The following ERBB4 variants were observed in gnomAD, a reference collection of about 807,000 sequenced individuals.
The protein encoded by ERBB4 is receptor tyrosine-protein kinase erbB-4.
Under a neutral mutation model 158.0 loss-of-function variants are expected in ERBB4, and 42 were observed. That is an observed-to-expected ratio of 0.27 (90% confidence interval 0.21 to 0.34). The LOEUF (loss-of-function observed/expected upper bound fraction) is 0.34, where lower values mean the gene tolerates loss of function less well. Ranked by LOEUF, ERBB4 falls within the 10% of genes least tolerant of loss-of-function variation. The probability of loss-of-function intolerance (pLI) is 1.00; values close to 1 mark genes in which losing one functional copy is unlikely to be tolerated. For synonymous variants in ERBB4, 583 were observed against 558.7 expected (o/e 1.04, Z -0.61); for missense variants, 1,333 against 1,624.1 (o/e 0.82, Z 3.08).
At chr2:212,037,707 G>C (rs1041416903) in intron 2 of ERBB4, among the ~76,000 whole-genome samples, 13 of 152,020 alleles carry the variant, frequency 8.6e-5, no homozygotes, top group Admixed American at 7.9e-4. Flanking sequence ...TTGGTTCTGT[G>C]GAAATTACAA....
intron 3 of ERBB4, among the ~76,000 whole-genome samples, chr2:211,839,478 C>A (rs1270503092): frequency 6.6e-6 from 1 of 151,938 alleles, no homozygotes; most frequent in African/African-American, 2.4e-5. Flanking sequence ...CTGACTGGTC[C>A]CCAAAACAAT....
intron 1 of ERBB4, among the ~76,000 whole-genome samples, chr2:212,412,949 T>C (rs1261642219): frequency 6.6e-6 from 1 of 151,912 alleles, no homozygotes; most frequent in African/African-American, 2.4e-5. Flanking sequence ...GTAGAGTATT[T>C]TTTTTCTTTT....
intron 1 of ERBB4, among the ~76,000 whole-genome samples, chr2:212,469,970 CTG>C (rs1689034988): frequency 6.6e-6 from 1 of 152,096 alleles, no homozygotes; most frequent in Non-Finnish European, 1.5e-5. Flanking sequence ...TTAAGTCAAA[CTG>C]AACTTTTCAA....
chr2:212,410,580 G>A (rs10188926), intron 1 of ERBB4, among the ~76,000 whole-genome samples: 17,649 of 151,990 alleles, frequency 0.12, 1,096 homozygotes, highest in African/African-American at 0.16. Context: ...TGTTCTCACT[G>A]AATAATATTC....
At chr2:211,556,191 G>C (rs2067233101) in intron 20 of ERBB4, among the ~76,000 whole-genome samples, 1 of 152,092 alleles carries the variant, frequency 6.6e-6, no homozygotes, top group African/African-American at 2.4e-5. Flanking sequence ...AAGACAAAAA[G>C]GGGCATTACA....
chr2:211,564,486 G>A (rs935917358), intron 19 of ERBB4, among the ~76,000 whole-genome samples: 2 of 152,176 alleles, frequency 1.3e-5, no homozygotes, highest in Non-Finnish European at 2.9e-5. Flanking sequence ...ATAAAAATAT[G>A]GACGATTTCT....
At chr2:212,242,426 C>T (rs1160515702) in intron 1 of ERBB4, among the ~76,000 whole-genome samples, 1 of 151,850 alleles carries the variant, frequency 6.6e-6, no homozygotes, top group African/African-American at 2.4e-5. Flanking sequence ...ACTTTAGAGT[C>T]ATAAAGATAA....
intron 3 of ERBB4, among the ~76,000 whole-genome samples, chr2:211,874,994 G>T (rs1575294462): frequency 1.6e-5 from 2 of 127,692 alleles, no homozygotes; most frequent in Non-Finnish European, 1.6e-5. Context: ...TTTAAGCTAA[G>T]GCTTGTATTG....
At chr2:212,101,365 A>ATACATATATATATATATATATG (rs58087392) in intron 2 of ERBB4, among the ~76,000 whole-genome samples, 3 of 148,994 alleles carry the variant, frequency 2.0e-5, no homozygotes, top group Non-Finnish European at 4.5e-5. Context: ...ATATATATAT[A>ATACATATATATATATATATATG]TGTATATGTA....
At chr2:211,648,131 A>G (rs2070844775) in intron 16 of ERBB4, among the ~76,000 whole-genome samples, 1 of 151,910 alleles carries the variant, frequency 6.6e-6, no homozygotes, top group Admixed American at 6.6e-5. Flanking sequence ...TCACTCAAAT[A>G]TCAAATAAAC....
At chr2:212,046,023 C>T (rs1159354123) in intron 2 of ERBB4, among the ~76,000 whole-genome samples, 1 of 152,160 alleles carries the variant, frequency 6.6e-6, no homozygotes, top group Non-Finnish European at 1.5e-5. Flanking sequence ...TTCAAGCTAT[C>T]ACAATTCTCA....
At chr2:211,898,865 A>C (rs2079162892) in intron 3 of ERBB4, among the ~76,000 whole-genome samples, 1 of 152,136 alleles carries the variant, frequency 6.6e-6, no homozygotes, top group Non-Finnish European at 1.5e-5. Context: ...ACAGACCTTA[A>C]GTTACAAAAG....
At chr2:212,436,781 G>A (rs1031092037) in intron 1 of ERBB4, among the ~76,000 whole-genome samples, 4 of 152,000 alleles carry the variant, frequency 2.6e-5, no homozygotes, top group African/African-American at 7.2e-5. Context: ...TAGAATGGCC[G>A]AACCTTTCTC....
At chr2:211,884,750 G>A (rs1426995477) in intron 3 of ERBB4, among the ~76,000 whole-genome samples, 1 of 152,140 alleles carries the variant, frequency 6.6e-6, no homozygotes, top group Non-Finnish European at 1.5e-5. Context: ...ATAGATATTA[G>A]CAGCTAATAT....
chr2:211,694,675 G>A (rs1307215305), intron 12 of ERBB4, among the ~76,000 whole-genome samples: 1 of 151,760 alleles, frequency 6.6e-6, no homozygotes, highest in Non-Finnish European at 1.5e-5. Flanking sequence ...GAAGAATAGC[G>A]ACTTCACTAT....
At chr2:212,095,956 A>AG (rs1045414361) in intron 2 of ERBB4, among the ~76,000 whole-genome samples, 12 of 151,206 alleles carry the variant, frequency 7.9e-5, no homozygotes, top group Non-Finnish European at 1.8e-4. Context: ...GAAAAAAAAA[A>AG]AAAGAAAGAA....
chr2:211,727,659 G>A (rs1387951036), intron 5 of ERBB4, among the ~76,000 whole-genome samples: 1 of 151,940 alleles, frequency 6.6e-6, no homozygotes, highest in Non-Finnish European at 1.5e-5. Flanking sequence ...ATTAGTTCAT[G>A]ATTTCATATT....
intron 1 of ERBB4, among the ~76,000 whole-genome samples, chr2:212,167,765 A>G (rs2081391810): frequency 6.6e-6 from 1 of 152,192 alleles, no homozygotes; most frequent in African/African-American, 2.4e-5. Context: ...CAGCCATAAA[A>G]AAGATGAGAT....
At chr2:211,605,465 G>T (rs2068947170) in intron 19 of ERBB4, among the ~76,000 whole-genome samples, 1 of 152,178 alleles carries the variant, frequency 6.6e-6, no homozygotes, top group South Asian at 2.1e-4. Context: ...CATATGCCCT[G>T]CTGCAGTCCT....
Sources: gnomAD v4.1 joint callset for allele counts (sites outside exome capture counted in the v4.1 genomes callset) on GRCh38, gnomAD v4.1.1 for gene constraint, MANE v1.5 for transcripts, NCBI Gene and HGNC (gene_info 2026-07-23, HGNC 2026-07-21) for gene names.